The following CAMKK1 variants were observed in gnomAD, a reference collection of about 807,000 sequenced individuals.
CAMKK1 encodes calcium/calmodulin-dependent protein kinase kinase 1.
Under a neutral mutation model 63.5 loss-of-function variants are expected in CAMKK1, and 20 were observed. That is an observed-to-expected ratio of 0.32 (90% CI 0.22 to 0.46). CAMKK1 has a LOEUF of 0.46. Among genes scored for constraint, CAMKK1 ranks in the 20% least tolerant of loss-of-function variants. CAMKK1 has a pLI of 1.00. For missense variants in CAMKK1, 588 were observed against 658.1 expected (o/e 0.89, Z 1.17); for synonymous variants, 253 against 269.0 (o/e 0.94, Z 0.58).
chr17:3,867,234 C>A (rs769264684), intron 14 of CAMKK1, among the ~76,000 whole-genome samples: 1 of 152,194 alleles, frequency 6.6e-6, no homozygotes, highest in Non-Finnish European at 1.5e-5. Flanking sequence ...AGTGAGGGAG[C>A]GAGTCCCGTG....
intron 15 of CAMKK1, chr17:3,865,219 C>G: frequency 1.0e-6 from 1 of 985,778 alleles, no homozygotes. Context: ...ACGAGGCGCA[C>G]AGGCTTGGGG....
intron 12 of CAMKK1, among the ~76,000 whole-genome samples, 184 bp downstream of exon 12, chr17:3,872,370 T>C (rs952550064): frequency 6.6e-6 from 1 of 152,154 alleles, no homozygotes; most frequent in Non-Finnish European, 1.5e-5. Flanking sequence ...CACAGTGACG[T>C]TGCGGAGACC....
At chr17:3,873,363 G>A (rs376691458) in intron 11 of CAMKK1, 46 bp downstream of exon 11, 93 of 1,588,816 alleles carry the variant, frequency 5.9e-5, no homozygotes, top group African/African-American at 9.4e-5. Flanking sequence ...GCCCGTGCCC[G>A]CCTCACTGGA....
chr17:3,871,286 C>A (rs1646197812), intron 12 of CAMKK1, among the ~76,000 whole-genome samples: 1 of 149,266 alleles, frequency 6.7e-6, no homozygotes, highest in African/African-American at 2.5e-5. Context: ...GCAGGAGTCG[C>A]TGAGTACAAG....
chr17:3,891,415 A>G (rs1481807936), intron 1 of CAMKK1, among the ~76,000 whole-genome samples: 3 of 152,222 alleles, frequency 2.0e-5, no homozygotes, highest in Non-Finnish European at 4.4e-5. Context: ...GATACAGTGT[A>G]GTTGAGGAAG....
intron 14 of CAMKK1, among the ~76,000 whole-genome samples, chr17:3,868,790 C>G (rs1172406473): frequency 6.6e-6 from 1 of 151,598 alleles, no homozygotes; most frequent in East Asian, 1.9e-4. Flanking sequence ...GTAGCTGGGA[C>G]TACAGGTGCC....
chr17:3,870,593 CT>C, intron 12 of CAMKK1, among the ~76,000 whole-genome samples: 1 of 152,200 alleles, frequency 6.6e-6, no homozygotes, highest in East Asian at 1.9e-4. Context: ...TCTCGATCTC[CT>C]GATCTCATGA....
At position 3,884,791 on chromosome 17, in the gene CAMKK1, C is replaced by T. The variant is rs959517398; in HGVS notation, c.361-364G>A. ...CAGCTGAATGAGAAGGTCTAGACTC[C>T]AAGGACAAGATGAGGAGCCCTGGGC... On this transcript the variant is annotated intron_variant, in intron 2 of 15. Coordinates refer to ENST00000348335, the MANE Select transcript of CAMKK1 (RefSeq NM_032294.3). The surrounding 1 kb of genome is among the most constrained non-coding windows in gnomAD (Gnocchi z 4.5). 5.9e-5 allele frequency among the ~76,000 whole-genome samples: 9 copies of T among 152,116 alleles called. No individual in the cohort carries two copies. Among genetic ancestry groups the T allele is most frequent in the Admixed American group, 2.0e-4 (3 of 15,274 alleles).
chr17:3,866,049 A>C, intron 14 of CAMKK1, 38 bp from the exon 15 acceptor site: 1 of 1,606,898 alleles, frequency 6.2e-7, no homozygotes, highest in Non-Finnish European at 8.5e-7. Flanking sequence ...CACAGGTCCC[A>C]GGCTCCCAGA....
Position 3,892,663 on chromosome 17 carries a change from G to A in CAMKK1, c.-44+276C>T, listed in dbSNP as rs1309400023. On this transcript the variant is annotated intron_variant, in intron 1 of 15. Coordinates refer to ENST00000348335, the MANE Select transcript of CAMKK1 (RefSeq NM_032294.3). This position sits in a 1 kb window ranked among gnomAD's most constrained non-coding sequence, Gnocchi z 7.5. The stretch of plus-strand genomic sequence containing the variant: ...GGGACAGTGCACCGGGGATGGATGC[G>A]GTCCGCAGACAGAAGCGGGGAAGAA... Among the ~76,000 whole-genome samples, 1 of 152,172 alleles carries A rather than the reference G, an allele frequency of 6.6e-6. No homozygotes were observed. The highest frequency in any genetic ancestry group is 2.4e-5 in the African/African-American group (1 of 41,438).
rs1043906050 is a variant in CAMKK1, at chr17:3,883,814, A to G, written c.462+70T>C. On this transcript the variant is annotated intron_variant, in intron 4 of 15. Transcript: ENST00000348335. The surrounding 1 kb of genome is among the most constrained non-coding windows in gnomAD (Gnocchi z 4.7). ...CCCTGTCCTCTATCTCCTAAGCACA[A>G]CTCCTGCCCCACCCCTCAGGCTTCC... is the stretch of plus-strand genomic sequence containing the variant. 17 of 1,511,766 alleles carry G rather than the reference A, an allele frequency of 1.1e-5. No individual in the cohort carries two copies. The African/African-American group carries it at 2.2e-4, about 20-fold the overall frequency. 93.6% of individuals were successfully genotyped at this position (1,511,766 alleles called of 1,614,324 possible). A position where few individuals can be genotyped will look rare whatever the true frequency, so the allele number is the denominator to read the frequency against.
intron 15 of CAMKK1, 190 bp downstream of exon 15, chr17:3,865,718 G>A (rs570048497): frequency 4.9e-6 from 7 of 1,421,928 alleles, no homozygotes; most frequent in Middle Eastern, 2.2e-4. Context: ...GCAAGAGCTG[G>A]GCCCAAAAGG....
intron 12 of CAMKK1, among the ~76,000 whole-genome samples, chr17:3,871,539 G>A (rs1019856021): frequency 4.0e-5 from 6 of 149,956 alleles, no homozygotes; most frequent in Non-Finnish European, 5.9e-5. Flanking sequence ...TCTATTTTTA[G>A]TAGAGATGGG....
intron 1 of CAMKK1, among the ~76,000 whole-genome samples, chr17:3,888,900 A>G (rs2055778006): frequency 6.8e-6 from 1 of 146,022 alleles, no homozygotes; most frequent in Non-Finnish European, 1.5e-5. Flanking sequence ...CAGGCTGTGG[A>G]CCAGGGTGGT....
intron 1 of CAMKK1, among the ~76,000 whole-genome samples, chr17:3,886,970 C>T (rs2055680952): frequency 6.6e-6 from 1 of 152,180 alleles, no homozygotes; most frequent in Non-Finnish European, 1.5e-5. Flanking sequence ...TGGTAACTTC[C>T]TCCGAACCCA....
At position 3,884,538 on chromosome 17, in the gene CAMKK1, C is replaced by T. The variant is rs1172014976; in HGVS notation, c.361-111G>A. The T allele has an allele frequency of 4.1e-6, 4 of 965,518 alleles. No individual in the cohort carries two copies. In the African/African-American group the frequency reaches 6.6e-5, roughly 16 times the overall value. The allele number at this position is 965,518 out of a possible 1,614,324, so 59.8% of individuals were successfully genotyped here. ...GGCCATAAGCTCCTCATTCCCGGAC[C>T]CCCAGGTCTCACCAAGCTTTTGAGT... is the stretch of plus-strand genomic sequence containing the variant. On this transcript the variant is annotated intron_variant, in intron 2 of 15. Transcript: ENST00000348335. This position sits in a 1 kb window ranked among gnomAD's most constrained non-coding sequence, Gnocchi z 4.5.
intron 15 of CAMKK1, among the ~76,000 whole-genome samples, chr17:3,863,435 C>A (rs1471468385): frequency 6.6e-6 from 1 of 152,226 alleles, no homozygotes; most frequent in Non-Finnish European, 1.5e-5. Flanking sequence ...GAGGCGGAGA[C>A]TGCAGTGAGT....
chr17:3,865,235 C>G, intron 15 of CAMKK1: 6 of 985,776 alleles, frequency 6.1e-6, no homozygotes, highest in Non-Finnish European at 7.2e-6. Context: ...TGGGGAGCTG[C>G]TTTTCTGGAC....
At chr17:3,872,170 T>C (rs1179247927) in intron 12 of CAMKK1, among the ~76,000 whole-genome samples, 1 of 152,136 alleles carries the variant, frequency 6.6e-6, no homozygotes, top group Non-Finnish European at 1.5e-5. Context: ...TTTCCATCTG[T>C]GAAATGGGGA....
Sources: allele counts gnomAD v4.1 joint callset (sites outside exome capture counted in the v4.1 genomes callset), GRCh38; gene constraint gnomAD v4.1.1; non-coding constraint Gnocchi (gnomAD v3.1); transcripts MANE v1.5; gene names NCBI Gene and HGNC (gene_info 2026-07-23, HGNC 2026-07-21).